The following SBF2 variants were observed in gnomAD, a reference collection of about 807,000 sequenced individuals.
The protein encoded by SBF2 is SET binding factor 2.
Under a neutral mutation model 225.2 loss-of-function variants are expected in SBF2, and 112 were observed. The observed-to-expected ratio is 0.50, with a 90% CI of 0.43 to 0.58. The LOEUF is 0.58. Among genes scored for constraint, SBF2 ranks in the 20% least tolerant of loss-of-function variants. The pLI, the probability that SBF2 is intolerant of heterozygous loss-of-function variation, is 0.00. For missense variants in SBF2, 1,996 were observed against 2,206.2 expected, an observed-to-expected ratio of 0.90 and a Z score of 1.91; for synonymous variants, 763 against 773.3, an observed-to-expected ratio of 0.99 and a Z score of 0.22.
At chr11:9,988,528 AG>A (rs1947287410) in intron 13 of SBF2, among the ~76,000 whole-genome samples, 2 of 152,248 alleles carry the variant, frequency 1.3e-5, no homozygotes, top group East Asian at 3.8e-4. Flanking sequence ...ACGACTATCC[AG>A]AATCTACAAC....
intron 1 of SBF2, among the ~76,000 whole-genome samples, chr11:10,247,576 C>T (rs1959933506): frequency 6.6e-6 from 1 of 151,546 alleles, no homozygotes; most frequent in Non-Finnish European, 1.5e-5. Flanking sequence ...CACCTGAAAT[C>T]CCAGCTACTC....
At chr11:10,129,659 A>G (rs1372726931) in intron 2 of SBF2, among the ~76,000 whole-genome samples, 1 of 152,184 alleles carries the variant, frequency 6.6e-6, no homozygotes, top group African/African-American at 2.4e-5. Context: ...AAACCAAAAT[A>G]GTTTTTCCAA....
intron 16 of SBF2, chr11:9,960,187 C>T (rs1866471931): frequency 6.5e-6 from 1 of 153,732 alleles, no homozygotes; most frequent in South Asian, 2.0e-4. Flanking sequence ...GAGCATTAAC[C>T]TCTCTCTCTG....
chr11:9,968,382 C>T lies in SBF2; in HGVS notation c.1559G>A (p.Arg520Gln), dbSNP rs546485749. 65 of 1,614,104 alleles carry T rather than the reference C, an allele frequency of 4.0e-5. No homozygotes were observed. In the South Asian group the frequency reaches 4.1e-4, roughly 10 times the overall value. ...TGGCACAACACATTTCTTTTCTATT[C>T]GTGTGGCAGGAGGTGCATTCTGGTT... ...AKNQNAPPAT[R>Q]IEKKCVVPAG... Residue 520 changes from arginine to glutamine, a missense_variant, in exon 14 of 40, where the codon CGA becomes CAA. Physicochemically the swap from Arg to Gln is conservative, Grantham distance 43. Coordinates refer to ENST00000256190, the MANE Select transcript of SBF2 (RefSeq NM_030962.4).
chr11:9,964,947 G>C (rs1334488028), intron 14 of SBF2, among the ~76,000 whole-genome samples: 2 of 152,022 alleles, frequency 1.3e-5, no homozygotes, highest in Non-Finnish European at 2.9e-5. Context: ...GTGAAGTCTG[G>C]GCTTTTAGTG....
chr11:10,275,886 T>C (rs931533195), intron 1 of SBF2, among the ~76,000 whole-genome samples: 1 of 152,210 alleles, frequency 6.6e-6, no homozygotes, highest in Non-Finnish European at 1.5e-5. Context: ...GTTTCATTGC[T>C]GTCTCTAAAT....
At chr11:10,262,556 G>C (rs1279741005) in intron 1 of SBF2, among the ~76,000 whole-genome samples, 1 of 152,108 alleles carries the variant, frequency 6.6e-6, no homozygotes, top group African/African-American at 2.4e-5. Context: ...AAGCCTCTTA[G>C]GGGCTGCTCT....
chr11:9,851,264 C>A (rs1164486488), intron 21 of SBF2, among the ~76,000 whole-genome samples: 1 of 151,894 alleles, frequency 6.6e-6, no homozygotes, highest in African/African-American at 2.4e-5. Context: ...AGACTGTGAA[C>A]CCAACTGTTA....
intron 32 of SBF2, among the ~76,000 whole-genome samples, chr11:9,796,474 T>C (rs1359466197): frequency 6.6e-6 from 1 of 152,170 alleles, no homozygotes; most frequent in Non-Finnish European, 1.5e-5. Context: ...TTACAGAAGT[T>C]TGGCAATGAA....
intron 2 of SBF2, among the ~76,000 whole-genome samples, chr11:10,081,181 A>C (rs1173441650): frequency 2.6e-5 from 4 of 152,174 alleles, no homozygotes; most frequent in Non-Finnish European, 5.9e-5. Context: ...TCACAAAAAA[A>C]GTCTCAATAA....
chr11:9,979,170 A>G (rs563523692), intron 13 of SBF2, among the ~76,000 whole-genome samples: 278 of 152,352 alleles, frequency 1.8e-3, no homozygotes, highest in Non-Finnish European at 2.3e-3. Context: ...TTCTGAGCCA[A>G]TTAGCCCCAC....
At chr11:9,782,107 G>A (rs949542680) in intron 38 of SBF2, among the ~76,000 whole-genome samples, 2 of 151,640 alleles carry the variant, frequency 1.3e-5, no homozygotes, top group East Asian at 1.9e-4. Flanking sequence ...GATTGCTTGA[G>A]CCTGTGAGGT....
At chr11:9,874,714 G>A (rs1347671727) in intron 17 of SBF2, among the ~76,000 whole-genome samples, 2 of 152,140 alleles carry the variant, frequency 1.3e-5, no homozygotes, top group African/African-American at 4.8e-5. Context: ...ACAAATTAGA[G>A]GCTACAAAGC....
intron 1 of SBF2, among the ~76,000 whole-genome samples, chr11:10,260,451 T>A (rs1214795628): frequency 6.6e-6 from 1 of 151,784 alleles, no homozygotes; most frequent in Admixed American, 6.6e-5. Context: ...GCACGGTGGC[T>A]CACGCCTGTA....
intron 17 of SBF2, among the ~76,000 whole-genome samples, chr11:9,890,676 A>C (rs1367967247): frequency 6.6e-6 from 1 of 152,180 alleles, no homozygotes; most frequent in African/African-American, 2.4e-5. Context: ...CTCTCCTGGG[A>C]GTCATTTTGA....
At chr11:9,833,656 G>C (rs368015983) in intron 26 of SBF2, among the ~76,000 whole-genome samples, 11 of 151,818 alleles carry the variant, frequency 7.2e-5, no homozygotes, top group African/African-American at 2.7e-4. Flanking sequence ...TCCTGACCTC[G>C]TGATCTGCCC....
intron 2 of SBF2, among the ~76,000 whole-genome samples, chr11:10,121,751 G>A (rs922731603): frequency 2.6e-5 from 4 of 152,166 alleles, no homozygotes; most frequent in Non-Finnish European, 5.9e-5. Flanking sequence ...TGTGCCTTCA[G>A]ATCTGAAAAT....
At chr11:10,031,464 A>G (rs1205534022) in intron 3 of SBF2, among the ~76,000 whole-genome samples, 1 of 152,214 alleles carries the variant, frequency 6.6e-6, no homozygotes, top group African/African-American at 2.4e-5. Flanking sequence ...GGCAAATAAG[A>G]CATGCTCAAA....
intron 17 of SBF2, among the ~76,000 whole-genome samples, chr11:9,889,733 C>G (rs1414352241): frequency 9.2e-5 from 14 of 152,064 alleles, no homozygotes; most frequent in African/African-American, 3.4e-4. Context: ...AGAAAAGCAA[C>G]ACACAAAAGA....
Sources: allele counts gnomAD v4.1 joint callset (sites outside exome capture counted in the v4.1 genomes callset), GRCh38; gene constraint gnomAD v4.1.1; transcripts MANE v1.5; gene names NCBI Gene and HGNC (gene_info 2026-07-23, HGNC 2026-07-21).